CADPS2: variants seen among roughly 807,000 people sequenced by gnomAD.
CADPS2 encodes calcium dependent secretion activator 2, also known as calcium-dependent secretion activator 2.
Under a neutral mutation model 172.5 loss-of-function variants are expected in CADPS2, and 93 were observed. The ratio of observed to expected loss-of-function variants is 0.54; its 90% CI spans 0.46 to 0.64. The LOEUF (loss-of-function observed/expected upper bound fraction) is 0.64, where lower values mean the gene tolerates loss of function less well. Among genes scored for constraint, CADPS2 ranks in the 30% least tolerant of loss-of-function variants. The pLI, the probability that CADPS2 is intolerant of heterozygous loss-of-function variation, is 0.00. For missense variants in CADPS2, 1,420 were observed against 1,565.9 expected (o/e 0.91, Z 1.57); for synonymous variants, 546 against 555.2 (o/e 0.98, Z 0.23).
chr7:122,746,967 G>A (rs1002242282), intron 1 of CADPS2, among the ~76,000 whole-genome samples: 1 of 152,024 alleles, frequency 6.6e-6, no homozygotes, highest in Non-Finnish European at 1.5e-5. Context: ...CATTGACAGC[G>A]TCTGCCTCAC....
At chr7:122,856,343 T>C (rs993918998) in intron 1 of CADPS2, among the ~76,000 whole-genome samples, 9 of 152,184 alleles carry the variant, frequency 5.9e-5, no homozygotes, top group African/African-American at 2.2e-4. Flanking sequence ...ATCAGCAAAA[T>C]CCAAGGAATC....
At chr7:122,702,466 G>A in intron 2 of CADPS2, 1 of 1,613,720 alleles carries the variant, frequency 6.2e-7, no homozygotes, top group Admixed American at 1.7e-5. Context: ...CTGCCTGTTT[G>A]GGCCTGCTGA....
At chr7:122,589,663 G>C (rs919472418) in intron 6 of CADPS2, among the ~76,000 whole-genome samples, 2 of 151,854 alleles carry the variant, frequency 1.3e-5, no homozygotes, top group Admixed American at 1.3e-4. Context: ...AAGAGATAAA[G>C]AAACTTATCT....
chr7:122,876,404 C>T (rs535453836), intron 1 of CADPS2, among the ~76,000 whole-genome samples: 10 of 152,150 alleles, frequency 6.6e-5, no homozygotes, highest in Non-Finnish European at 1.0e-4. Context: ...CTTTGTCACC[C>T]AGGCTGGAGT....
At position 122,850,160 on chromosome 7, in the gene CADPS2, G is replaced by C. The variant is rs1813151296; in HGVS notation, c.339+35839C>G. 10 of 1,138,596 alleles carry C rather than the reference G, an allele frequency of 8.8e-6. 1 individual carries two copies. In the South Asian group the frequency reaches 2.4e-4, roughly 27 times the overall value. 70.5% of individuals were successfully genotyped at this position (1,138,596 alleles called of 1,614,324 possible). On this transcript the variant is annotated intron_variant, in intron 1 of 29. Coordinates refer to ENST00000449022, the MANE Select transcript of CADPS2 (RefSeq NM_017954.11). ...AACTGCTGAACAGGGCGTATCTGTG[G>C]CTTCCCACACAACTAAGCCCATGCT...
chr7:122,381,859 A>G (rs771979116), intron 24 of CADPS2, among the ~76,000 whole-genome samples: 23 of 152,186 alleles, frequency 1.5e-4, no homozygotes, highest in Non-Finnish European at 3.1e-4. Context: ...TTTAATACCC[A>G]AGGGGTAAAT....
intron 19 of CADPS2, among the ~76,000 whole-genome samples, chr7:122,410,443 C>CT (rs5887087): frequency 0.32 from 44,030 of 138,216 alleles, 6,945 homozygotes; most frequent in East Asian, 0.38. Flanking sequence ...CTTGGAAAGC[C>CT]TTTTTTTTTT....
intron 2 of CADPS2, among the ~76,000 whole-genome samples, chr7:122,717,704 C>T (rs1485497776): frequency 1.3e-5 from 2 of 152,146 alleles, no homozygotes; most frequent in African/African-American, 4.8e-5. Flanking sequence ...TTTATAAATG[C>T]ACCTTGGTGA....
At chr7:122,436,411 A>C (rs1481544685) in intron 17 of CADPS2, 1 of 1,248,972 alleles carries the variant, frequency 8.0e-7, no homozygotes, top group African/African-American at 1.6e-5. Context: ...ATTTAGGAGA[A>C]AAGCAAACTC....
intron 28 of CADPS2, chr7:122,331,814 C>T (rs576242993): frequency 1.3e-5 from 2 of 152,262 alleles, no homozygotes; most frequent in African/African-American, 4.8e-5. Flanking sequence ...ATGAGTATGA[C>T]TTAAGTGGTA....
chr7:122,440,775 G>C (rs565592591), intron 16 of CADPS2, among the ~76,000 whole-genome samples: 27 of 152,288 alleles, frequency 1.8e-4, no homozygotes, highest in Middle Eastern at 3.4e-3. Context: ...AGCTACAGAT[G>C]AATCTAGAAA....
At chr7:122,623,976 G>C (rs907262944) in intron 4 of CADPS2, among the ~76,000 whole-genome samples, 1 of 152,144 alleles carries the variant, frequency 6.6e-6, no homozygotes, top group African/African-American at 2.4e-5. Flanking sequence ...TCTATCATCT[G>C]TCAAACAGGA....
intron 17 of CADPS2, among the ~76,000 whole-genome samples, chr7:122,433,123 G>A (rs1448642066): frequency 6.6e-6 from 1 of 151,522 alleles, no homozygotes; most frequent in Non-Finnish European, 1.5e-5. Flanking sequence ...ACAGGTATGC[G>A]CTACTATACT....
At chr7:122,422,752 C>T (rs1345412502) in intron 17 of CADPS2, among the ~76,000 whole-genome samples, 1 of 149,468 alleles carries the variant, frequency 6.7e-6, no homozygotes, top group Non-Finnish European at 1.5e-5. Flanking sequence ...ATTAGGAGTT[C>T]GAGGCCAGCC....
chr7:122,322,749 T>A (rs1194557895), intron 29 of CADPS2, among the ~76,000 whole-genome samples: 1 of 152,236 alleles, frequency 6.6e-6, no homozygotes, highest in Admixed American at 6.5e-5. Context: ...ATTTGTTTTT[T>A]TCTTAGTGTG....
At chr7:122,872,865 A>G (rs1176577623) in intron 1 of CADPS2, among the ~76,000 whole-genome samples, 2 of 152,184 alleles carry the variant, frequency 1.3e-5, no homozygotes, top group African/African-American at 4.8e-5. Flanking sequence ...CTGTAATCCA[A>G]TTTCCAGAGG....
At chr7:122,361,076 A>G (rs1390503032) in intron 25 of CADPS2, 63 bp from the exon 26 acceptor site, 2 of 1,336,534 alleles carry the variant, frequency 1.5e-6, no homozygotes, top group Non-Finnish European at 2.1e-6. Context: ...TAGCAGGACA[A>G]ACAATTCCTG....
At chr7:122,381,806 T>C (rs185214628) in intron 24 of CADPS2, among the ~76,000 whole-genome samples, 194 of 152,104 alleles carry the variant, frequency 1.3e-3, no homozygotes, top group African/African-American at 4.5e-3. Context: ...AACAAACACA[T>C]ACAATGTTAA....
At chr7:122,410,180 C>T (rs758356820) in intron 19 of CADPS2, among the ~76,000 whole-genome samples, 1 of 151,962 alleles carries the variant, frequency 6.6e-6, no homozygotes, top group African/African-American at 2.4e-5. Flanking sequence ...CCCGTCTCTA[C>T]TAAAAATACA....
Sources: allele counts gnomAD v4.1 joint callset (sites outside exome capture counted in the v4.1 genomes callset), GRCh38; gene constraint gnomAD v4.1.1; transcripts MANE v1.5; gene names NCBI Gene and HGNC (gene_info 2026-07-23, HGNC 2026-07-21).